The following DACH2 variants were observed in gnomAD, a reference collection of about 807,000 sequenced individuals.
DACH2 encodes dachshund family transcription factor 2, also known as dachshund homolog 2.
A neutral mutation model predicts 35.8 loss-of-function variants in DACH2; 17 were observed. The observed-to-expected ratio is 0.48, with a 90% CI of 0.33 to 0.71. The LOEUF is 0.71. Ranked by LOEUF, DACH2 falls within the 30% of genes least tolerant of loss-of-function variation. DACH2 has a pLI of 0.02. For missense variants in DACH2, 469 were observed against 472.7 expected (o/e 0.99, Z 0.07); for synonymous variants, 195 against 177.3 (o/e 1.10, Z -0.79).
intron 3 of DACH2, among the ~76,000 whole-genome samples, chrX:86,569,308 CT>C (rs2039333992): frequency 9.0e-6 from 1 of 111,266 alleles, no homozygotes; most frequent in Non-Finnish European, 1.9e-5. Flanking sequence ...CTGTACGGAT[CT>C]AATAGCTTTT....
intron 3 of DACH2, among the ~76,000 whole-genome samples, chrX:86,540,092 C>T (rs1179282920): frequency 8.9e-6 from 1 of 111,773 alleles, no homozygotes; most frequent in Non-Finnish European, 1.9e-5. Context: ...CTATGATAAA[C>T]TCAATACATC....
chrX:86,393,580 C>T (rs368073070), intron 2 of DACH2, among the ~76,000 whole-genome samples: 25 of 111,868 alleles, frequency 2.2e-4, no homozygotes, highest in African/African-American at 8.1e-4. Flanking sequence ...GTCACTGATT[C>T]GATGTGGATT....
intron 1 of DACH2, among the ~76,000 whole-genome samples, chrX:86,333,343 G>A (rs2035245434): frequency 8.9e-6 from 1 of 111,853 alleles, no homozygotes; most frequent in Non-Finnish European, 1.9e-5. Context: ...TGTCATGAAA[G>A]CCTCCATTTT....
At chrX:86,440,192 A>G (rs967998823) in intron 2 of DACH2, among the ~76,000 whole-genome samples, 1 of 111,299 alleles carries the variant, frequency 9.0e-6, no homozygotes, top group African/African-American at 3.3e-5. Flanking sequence ...TGCCTGCTAG[A>G]TCTGTCCATA....
chrX:86,468,775 C>T (rs2037714871), intron 2 of DACH2, among the ~76,000 whole-genome samples: 2 of 111,334 alleles, frequency 1.8e-5, no homozygotes, highest in African/African-American at 6.5e-5. Context: ...ATTAGTACGG[C>T]CACTATACAA....
At chrX:86,803,113 A>C (rs2042310490) in intron 7 of DACH2, among the ~76,000 whole-genome samples, 1 of 111,823 alleles carries the variant, frequency 8.9e-6, no homozygotes, top group African/African-American at 3.3e-5. Flanking sequence ...TTTTAGATCA[A>C]CTTCTAGTCT....
intron 6 of DACH2, among the ~76,000 whole-genome samples, chrX:86,721,205 G>T (rs186816527): frequency 8.9e-6 from 1 of 112,368 alleles, no homozygotes; most frequent in African/African-American, 3.2e-5. Flanking sequence ...TTCTCATTAC[G>T]TATGCAAGTT....
chrX:86,765,877 A>G (rs1223902952), intron 7 of DACH2, among the ~76,000 whole-genome samples: 2 of 108,348 alleles, frequency 1.8e-5, no homozygotes, highest in Non-Finnish European at 3.8e-5. Flanking sequence ...TGATACTTCC[A>G]ATCCATGAGC....
chrX:86,694,706 G>A (rs978569248), intron 4 of DACH2, among the ~76,000 whole-genome samples: 2 of 111,733 alleles, frequency 1.8e-5, no homozygotes, highest in African/African-American at 6.5e-5. Context: ...TAGAATACAA[G>A]GCAGTGGTGG....
At chrX:86,585,722 G>A (rs763679621) in intron 3 of DACH2, among the ~76,000 whole-genome samples, 11 of 111,205 alleles carry the variant, frequency 9.9e-5, no homozygotes, top group Non-Finnish European at 1.7e-4. Context: ...TTTCATCCAT[G>A]TTGCAGCAAA....
At chrX:86,327,806 A>T (rs1168114341) in intron 1 of DACH2, among the ~76,000 whole-genome samples, 1 of 111,804 alleles carries the variant, frequency 8.9e-6, no homozygotes, top group Non-Finnish European at 1.9e-5. Flanking sequence ...CAGCCCAGTG[A>T]TCTTCGTGGC....
chrX:86,526,189 T>C (rs1244458566), intron 3 of DACH2, among the ~76,000 whole-genome samples: 1 of 111,449 alleles, frequency 9.0e-6, no homozygotes, highest in African/African-American at 3.3e-5. Flanking sequence ...TAAAAAAAAA[T>C]ACATTTTATC....
At chrX:86,433,654 C>T (rs1237623775) in intron 2 of DACH2, among the ~76,000 whole-genome samples, 1 of 111,250 alleles carries the variant, frequency 9.0e-6, no homozygotes, top group South Asian at 3.7e-4. Context: ...GAGGAACCAT[C>T]CAGGCTGTAA....
chrX:86,324,812 C>T (rs1461164213), intron 1 of DACH2, among the ~76,000 whole-genome samples: 19 of 108,709 alleles, frequency 1.7e-4, no homozygotes, highest in African/African-American at 5.4e-4. Flanking sequence ...CTCCTGACCT[C>T]GTGAGCCACT....
At chrX:86,176,845 AC>A (rs2031319863) in intron 1 of DACH2, among the ~76,000 whole-genome samples, 1 of 112,050 alleles carries the variant, frequency 8.9e-6, no homozygotes, top group Non-Finnish European at 1.9e-5. Context: ...CCAATGGAAG[AC>A]TGTAATTTAT....
chrX:86,302,164 T>G (rs2034587812), intron 1 of DACH2, among the ~76,000 whole-genome samples: 1 of 111,553 alleles, frequency 9.0e-6, no homozygotes, highest in African/African-American at 3.2e-5. Context: ...TTTAAATAGC[T>G]GTAGATGCAA....
At chrX:86,705,029 T>TATATATGTATATATATCTCAC (rs2041196045) in intron 5 of DACH2, among the ~76,000 whole-genome samples, 1 of 83,689 alleles carries the variant, frequency 1.2e-5, no homozygotes, top group Non-Finnish European at 2.2e-5. Context: ...CAGAAATTGT[T>TATATATGTATATATATCTCAC]ATATATATAT....
chrX:86,490,420 G>T (rs1397418987), intron 2 of DACH2, among the ~76,000 whole-genome samples: 1 of 111,405 alleles, frequency 9.0e-6, no homozygotes, highest in Admixed American at 9.6e-5. Context: ...GGATCTTAGA[G>T]CTATGTGTTA....
intron 1 of DACH2, among the ~76,000 whole-genome samples, chrX:86,248,334 C>G (rs2033328922): frequency 9.0e-6 from 1 of 111,331 alleles, no homozygotes; most frequent in Non-Finnish European, 1.9e-5. Context: ...TGATAAATGA[C>G]TTCATCAGTG....
Sources: allele counts gnomAD v4.1 joint callset (sites outside exome capture counted in the v4.1 genomes callset), GRCh38; gene constraint gnomAD v4.1.1; transcripts MANE v1.5; gene names NCBI Gene and HGNC (gene_info 2026-07-23, HGNC 2026-07-21).